PLB1: variants seen among roughly 807,000 people sequenced by gnomAD.
PLB1 encodes the protein phospholipase B1, membrane-associated.
In PLB1, 242 loss-of-function variants were observed where a neutral mutation model predicts 227.4. The observed-to-expected ratio is 1.06, with a 90% CI of 0.96 to 1.18. The LOEUF (loss-of-function observed/expected upper bound fraction) is 1.18, where lower values mean the gene tolerates loss of function less well. Ranked by LOEUF, PLB1 falls within the 50% of genes most tolerant of loss-of-function variation. The pLI is 0.00. For missense variants in PLB1, 1,858 were observed against 1,816.3 expected (o/e 1.02, Z -0.42); for synonymous variants, 757 against 682.2 (o/e 1.11, Z -1.71).
At chr2:28,625,835 G>A (rs1174493846) in intron 50 of PLB1, among the ~76,000 whole-genome samples, 1 of 151,638 alleles carries the variant, frequency 6.6e-6, no homozygotes, top group Non-Finnish European at 1.5e-5. Context: ...CTTCTCCAGG[G>A]ACACAACTTT....
chr2:28,508,465 C>A (rs892237243), intron 1 of PLB1, among the ~76,000 whole-genome samples: 4 of 152,196 alleles, frequency 2.6e-5, no homozygotes, highest in Non-Finnish European at 5.9e-5. Flanking sequence ...TTTAATGGAG[C>A]AGTCAGCCAG....
At chr2:28,577,581 G>A (rs1048801086) in intron 21 of PLB1, among the ~76,000 whole-genome samples, 13 of 152,298 alleles carry the variant, frequency 8.5e-5, no homozygotes, top group Admixed American at 2.0e-4. Flanking sequence ...GGTGGCTCAC[G>A]CCTGTAATCC....
chr2:28,545,302 G>A (rs1673076996), intron 14 of PLB1, among the ~76,000 whole-genome samples: 1 of 152,158 alleles, frequency 6.6e-6, no homozygotes. Flanking sequence ...AGGGACATGG[G>A]GGGCAGGGAG....
intron 26 of PLB1, among the ~76,000 whole-genome samples, chr2:28,587,969 G>A (rs943645267): frequency 6.6e-6 from 1 of 152,158 alleles, no homozygotes; most frequent in African/African-American, 2.4e-5. Context: ...CAGGCCAGAT[G>A]TTCCCAGGGC....
At chr2:28,566,734 G>A in intron 19 of PLB1, 62 bp from the exon 20 acceptor site, 1 of 1,585,302 alleles carries the variant, frequency 6.3e-7, no homozygotes, top group African/African-American at 1.3e-5. Flanking sequence ...GCTAGTGTCT[G>A]AAGGGTCTCG....
At position 28,516,896 on chromosome 2, in the gene PLB1, C is replaced by T. The variant is rs745639803; in HGVS notation, c.117+27C>T. ...TAAGGGCTTTGGCTGGTGGGAGGTG[C>T]GTGTGTATGGAGGGGAGAGGGAGGA... On this transcript the variant is annotated intron_variant, in intron 2 of 57. Transcript: ENST00000327757. 4.0e-5 allele frequency: 65 copies of T among 1,605,404 alleles called. No homozygotes were observed. The Middle Eastern group carries it at 2.6e-3, about 65-fold the overall frequency.
At chr2:28,611,140 CCCCGGCTGCCTGT>C (rs1242435787) in intron 43 of PLB1, among the ~76,000 whole-genome samples, 1 of 152,144 alleles carries the variant, frequency 6.6e-6, no homozygotes, top group Admixed American at 6.5e-5. Context: ...CCCTGAGGCA[CCCCGGCTGCCTGT>C]CTGCCACAAC....
chr2:28,508,866 T>C (rs929673278), intron 1 of PLB1, among the ~76,000 whole-genome samples: 1 of 152,254 alleles, frequency 6.6e-6, no homozygotes, highest in Non-Finnish European at 1.5e-5. Context: ...AAGAATTTAA[T>C]GTGCACTGAA....
At chr2:28,581,248 C>T (rs1185538606) in intron 23 of PLB1, among the ~76,000 whole-genome samples, 1 of 152,036 alleles carries the variant, frequency 6.6e-6, no homozygotes, top group African/African-American at 2.4e-5. Context: ...CCCCTCTTCC[C>T]CTCCCATTAT....
chr2:28,550,184 T>TTC, intron 16 of PLB1, 100 bp downstream of exon 16: 1 of 951,420 alleles, frequency 1.1e-6, no homozygotes, highest in South Asian at 1.6e-5. Flanking sequence ...TTTTTTTTTT[T>TTC]TCTTTTGAGA....
intron 7 of PLB1, 72 bp downstream of exon 7, chr2:28,529,479 T>TG (rs1461457401): frequency 9.1e-6 from 12 of 1,312,210 alleles, no homozygotes; most frequent in Admixed American, 3.5e-5. Context: ...TGGGAGGATT[T>TG]GGGGGGCTGG....
chr2:28,540,308 C>T, intron 11 of PLB1, 58 bp from the exon 12 acceptor site: 1 of 1,459,958 alleles, frequency 6.8e-7, no homozygotes, highest in Non-Finnish European at 9.6e-7. Flanking sequence ...CTGGATGCAT[C>T]CCCTTCCCTG....
intron 11 of PLB1, among the ~76,000 whole-genome samples, chr2:28,539,681 G>A (rs556788724): frequency 3.9e-5 from 6 of 152,190 alleles, no homozygotes; most frequent in Admixed American, 2.0e-4. Flanking sequence ...GGGCAAGGGC[G>A]GTGGAGAAAA....
chr2:28,518,355 T>C (rs762200304), intron 2 of PLB1, 111 bp from the exon 3 acceptor site: 10 of 823,504 alleles, frequency 1.2e-5, no homozygotes, highest in Admixed American at 3.9e-5. Context: ...TGTTTCTAGA[T>C]TTTGAGCCTA....
At chr2:28,554,345 T>TG (rs1674701385) in intron 17 of PLB1, among the ~76,000 whole-genome samples, 2 of 151,582 alleles carry the variant, frequency 1.3e-5, no homozygotes, top group African/African-American at 2.4e-5. Context: ...ATTTTTTTTT[T>TG]GAAACACGGT....
In PLB1 at chr2:28,598,763, A is replaced by T; in HGVS notation, c.2474+3A>T. On this transcript the variant is annotated splice_donor_region_variant and intron_variant, in intron 35 of 57. Transcript: ENST00000327757. Reference sequence around the variant, plus strand: ...GCTGTTCCCGGAGCAAAGGCTGAGTATGGCATTTGGGGAGGGAGGGAGCCT... The same window carrying T: ...GCTGTTCCCGGAGCAAAGGCTGAGTTTGGCATTTGGGGAGGGAGGGAGCCT... 1 of 1,610,466 alleles carries T rather than the reference A, an allele frequency of 6.2e-7. No individual in the cohort carries two copies. The highest frequency in any genetic ancestry group is 8.5e-7 in the Non-Finnish European group (1 of 1,176,606).
intron 1 of PLB1, among the ~76,000 whole-genome samples, chr2:28,515,185 T>A (rs997490911): frequency 6.6e-6 from 1 of 152,188 alleles, no homozygotes; most frequent in African/African-American, 2.4e-5. Flanking sequence ...ATTACCAAAA[T>A]AGTCTCAAAT....
At chr2:28,607,205 G>C (rs1245228796) in intron 43 of PLB1, among the ~76,000 whole-genome samples, 2 of 152,160 alleles carry the variant, frequency 1.3e-5, no homozygotes, top group Non-Finnish European at 2.9e-5. Context: ...TTCTAGGCCC[G>C]GTCTTATGGC....
chr2:28,540,606 C>T (rs1490623506), intron 12 of PLB1, among the ~76,000 whole-genome samples, 165 bp downstream of exon 12: 2 of 152,134 alleles, frequency 1.3e-5, no homozygotes, highest in South Asian at 2.1e-4. Flanking sequence ...TGCTTCACAT[C>T]GTGGTAGTGA....
Sources: allele counts gnomAD v4.1 joint callset (sites outside exome capture counted in the v4.1 genomes callset), GRCh38; gene constraint gnomAD v4.1.1; transcripts MANE v1.5; gene names NCBI Gene and HGNC (gene_info 2026-07-23, HGNC 2026-07-21).